Variants in ZNF114 observed in about 807,000 individuals in gnomAD.
ZNF114 encodes the protein zinc finger protein 114 (Y18).
In ZNF114, 8 loss-of-function variants were observed where a neutral mutation model predicts 6.8. That is an observed-to-expected ratio of 1.18 (90% CI 0.69 to 2.13). The LOEUF is 2.13. Ranked by LOEUF, ZNF114 falls within the 30% of genes most tolerant of loss-of-function variation. ZNF114 has a pLI of 0.00. For missense variants in ZNF114, 472 were observed against 519.5 expected (o/e 0.91, Z 0.89); for synonymous variants, 169 against 185.5 (o/e 0.91, Z 0.72).
intron 3 of ZNF114, among the ~76,000 whole-genome samples, chr19:48,276,945 G>A (rs1169559701): frequency 2.0e-5 from 3 of 151,810 alleles, no homozygotes; most frequent in Non-Finnish European, 4.4e-5. Flanking sequence ...GATCACCTGA[G>A]GTCAGAAGTT....
At chr19:48,285,543 AGAAG>A (rs35030246) in intron 5 of ZNF114, among the ~76,000 whole-genome samples, 10 of 147,190 alleles carry the variant, frequency 6.8e-5, no homozygotes, top group South Asian at 2.2e-4. Context: ...GAGAGAGGAA[AGAAG>A]GAAGGAAGGA....
intron 3 of ZNF114, among the ~76,000 whole-genome samples, chr19:48,277,806 T>TGTGTGTGTGTGTGTGA (rs1336430856): frequency 2.0e-5 from 3 of 148,460 alleles, no homozygotes; most frequent in Non-Finnish European, 4.5e-5. Flanking sequence ...TGTGTGTGTG[T>TGTGTGTGTGTGTGTGA]GTGTGTGTGT....
At chr19:48,282,962 C>T (rs1163170799) in intron 5 of ZNF114, among the ~76,000 whole-genome samples, 1 of 152,002 alleles carries the variant, frequency 6.6e-6, no homozygotes, top group African/African-American at 2.4e-5. Flanking sequence ...GTGATCCTCC[C>T]ACCTCGGCCT....
rs576830265 is a variant in ZNF114, at chr19:48,284,460, G to C, written c.137-1301G>C. Among the ~76,000 whole-genome samples, 36 of 151,870 alleles carry C rather than the reference G, an allele frequency of 2.4e-4. No homozygotes were observed. In the South Asian group the frequency reaches 7.1e-3, roughly 30 times the overall value. ...GAAAAAAAAAGAAAGAAAAAAACAG[G>C]CACTCTGTTGCCCAGGCTGGAGTGC... is the stretch of plus-strand genomic sequence containing the variant. On this transcript the variant is annotated intron_variant, in intron 5 of 5. Transcript: ENST00000595607.
chr19:48,274,506 ATTT>A (rs869126962), intron 3 of ZNF114, among the ~76,000 whole-genome samples: 95 of 17,160 alleles, frequency 5.5e-3, no homozygotes, highest in Admixed American at 0.021. Flanking sequence ...ATATATATAT[ATTT>A]TTTTTTTTTT....
At chr19:48,285,591 GAAA>G (rs1397372790) in intron 5 of ZNF114, among the ~76,000 whole-genome samples, 167 bp from the exon 6 acceptor site, 4 of 149,118 alleles carry the variant, frequency 2.7e-5, no homozygotes, top group African/African-American at 1.0e-4. Context: ...AAAGAGAAAA[GAAA>G]GAAAGGAAGG....
At chr19:48,272,700 T>TAAAAAAAAAAAAAAAAAAA (rs1555875993) in intron 3 of ZNF114, among the ~76,000 whole-genome samples, 9 of 79,366 alleles carry the variant, frequency 1.1e-4, no homozygotes, top group South Asian at 3.6e-4. Flanking sequence ...AAAAAAAAAG[T>TAAAAAAAAAAAAAAAAAAA]ATTGGATTGG....
chr19:48,278,681 C>A (rs1455513489), intron 3 of ZNF114, among the ~76,000 whole-genome samples: 1 of 152,164 alleles, frequency 6.6e-6, no homozygotes, highest in Admixed American at 6.5e-5. Flanking sequence ...GGTGCTCACA[C>A]CCCTAATTCC....
intron 3 of ZNF114, among the ~76,000 whole-genome samples, chr19:48,274,131 C>T (rs1967758932): frequency 6.6e-6 from 1 of 151,266 alleles, no homozygotes; most frequent in Admixed American, 6.6e-5. Flanking sequence ...TAAATATATA[C>T]ACACATATAT....
At chr19:48,278,108 G>T (rs1262242178) in intron 3 of ZNF114, among the ~76,000 whole-genome samples, 1 of 151,954 alleles carries the variant, frequency 6.6e-6, no homozygotes, top group African/African-American at 2.4e-5. Flanking sequence ...GTTAATTTTT[G>T]TATTTTTAGT....
In ZNF114 at chr19:48,286,870, T is replaced by C; in HGVS notation, c.1246T>C (p.Cys416Arg). 6.4e-7 allele frequency: 1 copy of C among 1,556,922 alleles called. No individual in the cohort carries two copies. The highest frequency in any genetic ancestry group is 1.4e-5 in the African/African-American group (1 of 72,196). The change falls in exon 6 of 6, where the codon TGT (cysteine) becomes CGT (arginine). Residue 416 changes from cysteine (C) to arginine (R), a missense_variant. Physicochemically the swap from Cys to Arg is radical, Grantham distance 180. Coordinates refer to ENST00000595607, the MANE Select transcript of ZNF114 (RefSeq NM_153608.4). ...TAAGACTCACAAAGATGAGAAGCCCTGTGAATGAAAGGAAGGTGGAAAATT... is the reference window on the plus strand; with the variant it reads ...TAAGACTCACAAAGATGAGAAGCCCCGTGAATGAAAGGAAGGTGGAAAATT... ...HLKTHKDEKP[C>R]E
chr19:48,272,176 C>A (rs988701955), intron 3 of ZNF114, among the ~76,000 whole-genome samples: 12 of 151,992 alleles, frequency 7.9e-5, no homozygotes, highest in African/African-American at 2.9e-4. Context: ...TTTCGAAGGC[C>A]GAGGTGGGCG....
chr19:48,284,179 A>T (rs1968061386), intron 5 of ZNF114, among the ~76,000 whole-genome samples: 1 of 152,192 alleles, frequency 6.6e-6, no homozygotes, highest in African/African-American at 2.4e-5. Flanking sequence ...GAGCATAGTC[A>T]TTTCATCAGA....
Position 48,271,364 on chromosome 19 carries a change from G to A in ZNF114, c.-257G>A, listed in dbSNP as rs2147277951. The A allele has an allele frequency of 6.6e-6, 1 of 152,394 alleles. No individual in the cohort carries two copies. The highest frequency in any genetic ancestry group is 2.4e-5 in the African/African-American group (1 of 41,586). 9.4% of individuals were successfully genotyped at this position (152,394 alleles called of 1,614,324 possible). On this transcript the variant is annotated 5_prime_UTR_variant, in exon 2 of 6. An upstream open reading frame in the 5' UTR gains an earlier in-frame stop. Coordinates refer to ENST00000595607, the MANE Select transcript of ZNF114 (RefSeq NM_153608.4). Reference sequence around the variant, plus strand: ...GCGCAGAGAGCGCGCTTCCCAGCTGGAGAGCCTAGGAACGGTGGCGCGGGC... The same window carrying A: ...GCGCAGAGAGCGCGCTTCCCAGCTGAAGAGCCTAGGAACGGTGGCGCGGGC...
At chr19:48,280,876 T>C (rs142040157) in intron 4 of ZNF114, among the ~76,000 whole-genome samples, 2 of 152,198 alleles carry the variant, frequency 1.3e-5, no homozygotes, top group African/African-American at 4.8e-5. Flanking sequence ...TAGCCACCCC[T>C]CTGTGATAGT....
At position 48,286,684 on chromosome 19, in the gene ZNF114, C is replaced by T; in HGVS notation, c.1060C>T (p.His354Tyr). The T allele has an allele frequency of 1.2e-6, 2 of 1,612,038 alleles. No homozygotes were observed. Among genetic ancestry groups the T allele is most frequent in the Non-Finnish European group, 1.7e-6 (2 of 1,179,516 alleles). The change falls in exon 6 of 6, where the codon CAT becomes TAT. Residue 354 changes from histidine to tyrosine, a missense_variant. Physicochemically the swap from His to Tyr is moderately conservative, Grantham distance 83. Transcript: ENST00000595607. ...ACACCTTAATAAACATTTAAGAAAG[C>T]ATGTTGTGCAGAAGAAGCCCTACGA... ...SLHLNKHLRK[H>Y]VVQKKPYECE...
Position 48,285,811 on chromosome 19 carries a change from C to T in ZNF114, c.187C>T (p.Leu63Phe). 6.2e-7 allele frequency: 1 copy of T among 1,613,790 alleles called. No individual in the cohort carries two copies. The highest frequency in any genetic ancestry group is 8.5e-7 in the Non-Finnish European group (1 of 1,179,944). ...AGACGCAACCCCTCAGCCGGATATT[C>T]TTCCTAAAAGAACATTTCCTGAAGC... Reference protein sequence around the residue: ...TKDATPQPDILPKRTFPEANR... With the variant: ...TKDATPQPDIFPKRTFPEANR... Residue 63 changes from leucine to phenylalanine, a missense_variant, in exon 6 of 6, where the codon CTT (leucine) becomes TTT (phenylalanine). By Grantham distance (22) the Leu-to-Phe change is conservative (BLOSUM62 0). Transcript: ENST00000595607.
At position 48,286,816 on chromosome 19, in the gene ZNF114, G is replaced by A. The variant is rs1465798030; in HGVS notation, c.1192G>A (p.Ala398Thr). The A allele has an allele frequency of 6.2e-7, 1 of 1,600,538 alleles. No homozygotes were observed. Residue 398 changes from alanine to threonine, a missense_variant, in exon 6 of 6, where the codon GCA becomes ACA. Ala to Thr is a moderately conservative substitution (Grantham distance 58, BLOSUM62 0). Transcript: ENST00000595607. ...YKCKTCGKDFAKSSGLKKHLK... is the reference protein window; with the variant it reads ...YKCKTCGKDFTKSSGLKKHLK... ...ATGTAAGACATGTGGAAAAGACTTT[G>A]CAAAGTCGTCAGGACTTAAAAAACA...
At chr19:48,282,324 CTG>C in intron 4 of ZNF114, 45 bp from the exon 5 acceptor site, 1 of 1,608,084 alleles carries the variant, frequency 6.2e-7, no homozygotes, top group Non-Finnish European at 8.5e-7. Flanking sequence ...ACAGTTCAAA[CTG>C]ATAACAGGAC....
Sources: allele counts gnomAD v4.1 joint callset (sites outside exome capture counted in the v4.1 genomes callset), GRCh38; gene constraint gnomAD v4.1.1; transcripts MANE v1.5; gene names NCBI Gene and HGNC (gene_info 2026-07-23, HGNC 2026-07-21).